The following CGB8 variants were observed in gnomAD, a reference collection of about 807,000 sequenced individuals.
CGB8 encodes chorionic gonadotropin subunit beta 8, also known as chorionic gonadotropin, beta polypeptide 8.
In CGB8, 2 loss-of-function variants were observed where a neutral mutation model predicts 7.6. The ratio of observed to expected loss-of-function variants is 0.26; its 90% CI spans 0.11 to 0.83. The LOEUF (loss-of-function observed/expected upper bound fraction) is 0.83. Ranked by LOEUF, CGB8 falls within the 40% of genes least tolerant of loss-of-function variation. The pLI is 0.65. For missense variants in CGB8, 16 were observed against 208.2 expected (o/e 0.08, Z 5.68); for synonymous variants, 8 against 91.5 (o/e 0.09, Z 5.21).
Position 49,048,855 on chromosome 19 carries a change from G to T in CGB8, c.-116C>A. 2 of 1,589,422 alleles carry T rather than the reference G, an allele frequency of 1.3e-6. No homozygotes were observed. Among genetic ancestry groups the T allele is most frequent in the Non-Finnish European group, 8.6e-7 (1 of 1,161,534 alleles). Reference sequence around the variant, plus strand: ...TGAGCTCGACACTAACCCTTCGGGGGGCAAGAGGTAGACAAGGCCAGGGGG... The same window carrying T: ...TGAGCTCGACACTAACCCTTCGGGGTGCAAGAGGTAGACAAGGCCAGGGGG... On this transcript the variant is annotated 5_prime_UTR_variant, in exon 1 of 3. Coordinates refer to ENST00000448456, the MANE Select transcript of CGB8 (RefSeq NM_033183.3).
At position 49,048,745 on chromosome 19, in the gene CGB8, G is replaced by A. The variant is rs748500709; in HGVS notation, c.-6C>T. ...CTTACCTGGAACATCTCCATCCTTG[G>A]TGTGTCCCCTGCCTCGTGTACCTGG... On this transcript the variant is annotated 5_prime_UTR_variant, in exon 1 of 3. Transcript: ENST00000448456. The A allele has an allele frequency of 6.8e-6, 11 of 1,613,212 alleles. 1 individual carries two copies. The highest frequency in any genetic ancestry group is 9.3e-6 in the Non-Finnish European group (11 of 1,179,862).
rs964734837 is a variant in CGB8, at chr19:49,048,855, G to A, written c.-116C>T. The A allele has an allele frequency of 1.1e-5, 17 of 1,589,306 alleles. No individual in the cohort carries two copies. Among genetic ancestry groups the A allele is most frequent in the Middle Eastern group, 1.7e-4 (1 of 5,846 alleles). On this transcript the variant is annotated 5_prime_UTR_variant, in exon 1 of 3. Coordinates refer to ENST00000448456, the MANE Select transcript of CGB8 (RefSeq NM_033183.3). ...TGAGCTCGACACTAACCCTTCGGGG[G>A]GCAAGAGGTAGACAAGGCCAGGGGG... is the stretch of plus-strand genomic sequence containing the variant.
Position 49,048,870 on chromosome 19 carries a change from A to G in CGB8, c.-131T>C. On this transcript the variant is annotated 5_prime_UTR_variant, in exon 1 of 3. Coordinates refer to ENST00000448456, the MANE Select transcript of CGB8 (RefSeq NM_033183.3). ...CCCTTCGGGGGGCAAGAGGTAGACA[A>G]GGCCAGGGGGGCGCAGGAGTGGCTC... 1 of 1,533,946 alleles carries G rather than the reference A, an allele frequency of 6.5e-7. No homozygotes were observed. Among genetic ancestry groups the G allele is most frequent in the Non-Finnish European group, 8.9e-7 (1 of 1,117,706 alleles).
At position 49,048,933 on chromosome 19, in the gene CGB8, C is replaced by T. The variant is rs905910161; in HGVS notation, c.-194G>A. On this transcript the variant is annotated 5_prime_UTR_variant, in exon 1 of 3. Transcript: ENST00000448456. ...CAGCCCTCTCCTCTCACTGGTCCAGCGCCAAGGGTGAGGCGGAGACCACGG... is the reference window on the plus strand; with the variant it reads ...CAGCCCTCTCCTCTCACTGGTCCAGTGCCAAGGGTGAGGCGGAGACCACGG... 2.0e-5 allele frequency: 26 copies of T among 1,323,638 alleles called. No individual in the cohort carries two copies. Among genetic ancestry groups the T allele is most frequent in the Non-Finnish European group, 2.4e-5 (23 of 976,130 alleles). 82.0% of individuals were successfully genotyped at this position (1,323,638 alleles called of 1,614,324 possible).
intron 1 of CGB8, 150 bp downstream of exon 1, chr19:49,048,575 A>T (rs1322533378): frequency 7.5e-6 from 12 of 1,603,520 alleles, no homozygotes; most frequent in Non-Finnish European, 8.5e-6. Flanking sequence ...TCAGATCCCC[A>T]CCTTCAGGAA....
chr19:49,048,711 C>T lies in CGB8; in HGVS notation c.15+14G>A. 4 of 1,612,992 alleles carry T rather than the reference C, an allele frequency of 2.5e-6. No individual in the cohort carries two copies. Among genetic ancestry groups the T allele is most frequent in the Non-Finnish European group, 3.4e-6 (4 of 1,179,844 alleles). On this transcript the variant is annotated intron_variant, in intron 1 of 2. Coordinates refer to ENST00000448456, the MANE Select transcript of CGB8 (RefSeq NM_033183.3). Reference sequence around the variant, plus strand: ...GAAGGAGGTGGAAGGTGCCCAGGGGCCCTGCAGTCTTACCTGGAACATCTC... The same window carrying T: ...GAAGGAGGTGGAAGGTGCCCAGGGGTCCTGCAGTCTTACCTGGAACATCTC...
intron 2 of CGB8, 85 bp from the exon 3 acceptor site, chr19:49,048,054 GAC>G (rs1287538598): frequency 3.2e-6 from 5 of 1,585,742 alleles, no homozygotes; most frequent in Non-Finnish European, 4.3e-6. Flanking sequence ...ACAGGTCTCA[GAC>G]TCAGGGGTCC....
chr19:49,048,985 C>G lies in CGB8; in HGVS notation c.-246G>C. On this transcript the variant is annotated 5_prime_UTR_variant, in exon 1 of 3. Transcript: ENST00000448456. ...GAAGTGACCTCAGAGACTCAGTCGTCGAGTGCTAGGGACTAGTCGAGCCTG... is the reference window on the plus strand; with the variant it reads ...GAAGTGACCTCAGAGACTCAGTCGTGGAGTGCTAGGGACTAGTCGAGCCTG... The G allele has an allele frequency of 7.2e-7, 1 of 1,388,686 alleles. No homozygotes were observed. The highest frequency in any genetic ancestry group is 9.4e-7 in the Non-Finnish European group (1 of 1,058,278). The allele number at this position is 1,388,686 out of a possible 1,614,324, so 86.0% of individuals were successfully genotyped here. A position where few individuals can be genotyped will look rare whatever the true frequency, so the allele number is the denominator to read the frequency against.
rs562510075 is a variant in CGB8, at chr19:49,048,589, C to A, written c.15+136G>T. On this transcript the variant is annotated intron_variant, in intron 1 of 2. Transcript: ENST00000448456. ...TTCAGATCCCCACCTTCAGGAAATG[C>A]CCCACCTGAAGCTTACTGGGGGTCA... The A allele has an allele frequency of 3.1e-3, 4,957 of 1,603,598 alleles. 2 individuals carry two copies. The highest frequency in any genetic ancestry group is 3.9e-3 in the Non-Finnish European group (4,550 of 1,175,232).
Position 49,048,887 on chromosome 19 carries a change from G to C in CGB8, c.-148C>G. ...GGTAGACAAGGCCAGGGGGGCGCAG[G>C]AGTGGCTCAGCGGAGCGCCCCAGCC... On this transcript the variant is annotated 5_prime_UTR_variant, in exon 1 of 3. Coordinates refer to ENST00000448456, the MANE Select transcript of CGB8 (RefSeq NM_033183.3). 1 of 1,424,236 alleles carries C rather than the reference G, an allele frequency of 7.0e-7. No homozygotes were observed. Among genetic ancestry groups the C allele is most frequent in the Non-Finnish European group, 9.7e-7 (1 of 1,031,058 alleles). 88.2% of individuals were successfully genotyped at this position (1,424,236 alleles called of 1,614,324 possible).
At position 49,048,860 on chromosome 19, in the gene CGB8, G is replaced by C. The variant is rs923531003; in HGVS notation, c.-121C>G. The C allele has an allele frequency of 4.8e-5, 75 of 1,578,178 alleles. 1 individual carries two copies. In the South Asian group the frequency reaches 8.1e-4, roughly 17 times the overall value. On this transcript the variant is annotated 5_prime_UTR_variant, in exon 1 of 3. Coordinates refer to ENST00000448456, the MANE Select transcript of CGB8 (RefSeq NM_033183.3). ...TCGACACTAACCCTTCGGGGGGCAAGAGGTAGACAAGGCCAGGGGGGCGCA... is the reference window on the plus strand; with the variant it reads ...TCGACACTAACCCTTCGGGGGGCAACAGGTAGACAAGGCCAGGGGGGCGCA...
chr19:49,048,715 G>T lies in CGB8; in HGVS notation c.15+10C>A, dbSNP rs751033136. The T allele has an allele frequency of 6.2e-6, 10 of 1,613,094 alleles. No homozygotes were observed. In the East Asian group the frequency reaches 1.8e-4, roughly 29 times the overall value. ...GAGGTGGAAGGTGCCCAGGGGCCCT[G>T]CAGTCTTACCTGGAACATCTCCATC... On this transcript the variant is annotated intron_variant, in intron 1 of 2. Transcript: ENST00000448456.
intron 1 of CGB8, 25 bp downstream of exon 1, chr19:49,048,700 G>A: frequency 1.2e-6 from 2 of 1,612,834 alleles, no homozygotes; most frequent in East Asian, 2.2e-5. Flanking sequence ...GAGGTGGAAG[G>A]TGCCCAGGGG....
At position 49,048,851 on chromosome 19, in the gene CGB8, G is replaced by C. The variant is rs910299776; in HGVS notation, c.-112C>G. On this transcript the variant is annotated 5_prime_UTR_variant, in exon 1 of 3. Coordinates refer to ENST00000448456, the MANE Select transcript of CGB8 (RefSeq NM_033183.3). ...GGAGTGAGCTCGACACTAACCCTTC[G>C]GGGGGCAAGAGGTAGACAAGGCCAG... The C allele has an allele frequency of 1.2e-5, 19 of 1,594,744 alleles. No homozygotes were observed. Among genetic ancestry groups the C allele is most frequent in the Middle Eastern group, 1.7e-4 (1 of 5,900 alleles).
rs1409650202 is a variant in CGB8, at chr19:49,048,970, C to G, written c.-231G>C. On this transcript the variant is annotated 5_prime_UTR_variant, in exon 1 of 3. Transcript: ENST00000448456. ...GGCGGAGACCACGGTGAAGTGACCT[C>G]AGAGACTCAGTCGTCGAGTGCTAGG... 1 of 1,399,096 alleles carries G rather than the reference C, an allele frequency of 7.1e-7. No individual in the cohort carries two copies. Among genetic ancestry groups the G allele is most frequent in the East Asian group, 2.5e-5 (1 of 39,416 alleles). 86.7% of individuals were successfully genotyped at this position (1,399,096 alleles called of 1,614,324 possible). A position where few individuals can be genotyped will look rare whatever the true frequency, so the allele number is the denominator to read the frequency against.
At position 49,048,804 on chromosome 19, in the gene CGB8, C is replaced by A; in HGVS notation, c.-65G>T. ...CTCGGGGTTGTGGGGGCGGCAAGGC[C>A]ACCAGGAGGTTGTAGGATGCTGGAG... On this transcript the variant is annotated 5_prime_UTR_variant, in exon 1 of 3. Transcript: ENST00000448456. 1 of 1,612,468 alleles carries A rather than the reference C, an allele frequency of 6.2e-7. No individual in the cohort carries two copies. Among genetic ancestry groups the A allele is most frequent in the Non-Finnish European group, 8.5e-7 (1 of 1,179,722 alleles).
Sources: gnomAD v4.1 joint callset for allele counts on GRCh38, gnomAD v4.1.1 for gene constraint, MANE v1.5 for transcripts, NCBI Gene and HGNC (gene_info 2026-07-23, HGNC 2026-07-21) for gene names.